The following SREBF2 variants were observed in gnomAD, a reference collection of about 807,000 sequenced individuals.
SREBF2 encodes the protein sterol regulatory element binding transcription factor 2.
Under a neutral mutation model 113.1 loss-of-function variants are expected in SREBF2, and 55 were observed. The observed-to-expected ratio is 0.49, with a 90% confidence interval of 0.39 to 0.61. The LOEUF is 0.61. Ranked by LOEUF, SREBF2 falls within the 20% of genes least tolerant of loss-of-function variation. The pLI, the probability that SREBF2 is intolerant of heterozygous loss-of-function variation, is 0.00. For missense variants in SREBF2, 1,349 were observed against 1,487.4 expected, an observed-to-expected ratio of 0.91 and a Z score of 1.53; for synonymous variants, 593 against 605.7, an observed-to-expected ratio of 0.98 and a Z score of 0.31.
chr22:41,875,251 C>T, intron 5 of SREBF2, 86 bp from the exon 6 acceptor site: 1 of 1,110,174 alleles, frequency 9.0e-7, no homozygotes, highest in South Asian at 1.3e-5. Context: ...CAGAGCCATG[C>T]TGTCATCCCA....
intron 7 of SREBF2, among the ~76,000 whole-genome samples, chr22:41,876,926 A>G (rs753670864): frequency 6.6e-6 from 1 of 152,202 alleles, no homozygotes; most frequent in Non-Finnish European, 1.5e-5. Flanking sequence ...TTCTGGAATT[A>G]TACAGAAACA....
At chr22:41,885,510 A>G (rs764787042) in intron 11 of SREBF2, 18 of 192,614 alleles carry the variant, frequency 9.3e-5, no homozygotes, top group Non-Finnish European at 1.8e-4. Flanking sequence ...TGAAATGAAT[A>G]AAAGTAAAAG....
chr22:41,851,947 C>T (rs879709120), intron 1 of SREBF2, among the ~76,000 whole-genome samples: 6 of 152,002 alleles, frequency 3.9e-5, no homozygotes, highest in Admixed American at 6.5e-5. Flanking sequence ...GGTGAAACCC[C>T]GTCTCTACTA....
chr22:41,845,012 TCTGCCTCCTGGGTTCAAGCAATTCTC>T (rs1232610457), intron 1 of SREBF2, among the ~76,000 whole-genome samples: 4 of 143,674 alleles, frequency 2.8e-5, no homozygotes, highest in African/African-American at 1.0e-4. Flanking sequence ...CACTGCGACC[TCTGCCTCCTGGGTTCAAGCAATTCTC>T]CTGTCTCCTG....
rs560514758 is a variant in SREBF2 at position 41,833,998 on chromosome 22, C to T, written c.88+640C>T. On this transcript the variant is annotated intron_variant, in intron 1 of 18. Coordinates refer to ENST00000361204, the MANE Select transcript of SREBF2 (RefSeq NM_004599.4). The surrounding 1 kb of genome is among the most constrained non-coding windows in gnomAD (Gnocchi z 4.1). ...CTGTCACGCTGCAAGGGGAATTGAGCAGAAGAAATTTTGAGTTGTGGCCCC... is the reference window on the plus strand; with the variant it reads ...CTGTCACGCTGCAAGGGGAATTGAGTAGAAGAAATTTTGAGTTGTGGCCCC... 4 of 152,822 alleles carry T rather than the reference C, an allele frequency of 2.6e-5. No individual in the cohort carries two copies. In the South Asian group the frequency reaches 8.3e-4, roughly 32 times the overall value. 9.5% of individuals were successfully genotyped at this position (152,822 alleles called of 1,614,324 possible).
Position 41,897,174 on chromosome 22 carries a change from G to C in SREBF2, c.2605+13G>C. 1.9e-6 allele frequency: 3 copies of C among 1,590,792 alleles called. No homozygotes were observed. Among genetic ancestry groups the C allele is most frequent in the Non-Finnish European group, 2.6e-6 (3 of 1,162,952 alleles). On this transcript the variant is annotated intron_variant, in intron 14 of 18. Transcript: ENST00000361204. ...AAGTCCGCCCTGGGTAAGCACCTGC[G>C]GGTGGCCCACAGTCTCAGGGTGCTC...
intron 8 of SREBF2, 25 bp downstream of exon 8, chr22:41,877,446 C>G (rs773489572): frequency 4.3e-6 from 7 of 1,611,416 alleles, no homozygotes; most frequent in Non-Finnish European, 5.9e-6. Context: ...CTTGCCCCAC[C>G]TGGGCATGGC....
chr22:41,878,731 A>G, intron 9 of SREBF2: 3 of 1,304,284 alleles, frequency 2.3e-6, no homozygotes, highest in Non-Finnish European at 3.0e-6. Context: ...TTCAAGAGGA[A>G]CAAGAACCAG....
rs1391366080 is a variant in SREBF2, at chr22:41,902,936, A to T, written c.2908-34A>T. 8 of 1,593,574 alleles carry T rather than the reference A, an allele frequency of 5.0e-6. No homozygotes were observed. The East Asian group carries it at 1.4e-4, about 27-fold the overall frequency. Reference sequence around the variant, plus strand: ...TCCTTGCCTCAGGGATGGGCCAGTCACCTGTCTCCCCTCTCTCGTGGCTGA... The same window carrying T: ...TCCTTGCCTCAGGGATGGGCCAGTCTCCTGTCTCCCCTCTCTCGTGGCTGA... On this transcript the variant is annotated intron_variant, in intron 16 of 18. Transcript: ENST00000361204.
chr22:41,875,217 A>C (rs1416549334), intron 5 of SREBF2, 120 bp from the exon 6 acceptor site: 2 of 786,130 alleles, frequency 2.5e-6, no homozygotes, highest in East Asian at 5.3e-5. Flanking sequence ...GAGGACCAGC[A>C]TCTGAACTTG....
At chr22:41,878,594 C>T in intron 9 of SREBF2, 1 of 1,106,308 alleles carries the variant, frequency 9.0e-7, no homozygotes, top group Admixed American at 2.3e-5. Flanking sequence ...TCCCAATTCT[C>T]TATAGAACCA....
At chr22:41,883,174 A>G (rs2077265800) in intron 10 of SREBF2, among the ~76,000 whole-genome samples, 1 of 152,158 alleles carries the variant, frequency 6.6e-6, no homozygotes, top group Non-Finnish European at 1.5e-5. Flanking sequence ...CTGAGATGCT[A>G]AGTGTTGGAG....
Position 41,863,254 on chromosome 22 carries a change from C to T in SREBF2, c.89-3577C>T, listed in dbSNP as rs559307341. 4.6e-5 allele frequency among the ~76,000 whole-genome samples: 7 copies of T among 152,342 alleles called. No homozygotes were observed. In the South Asian group the frequency reaches 1.4e-3, roughly 32 times the overall value. ...AAGTATCTTGCCCACGCTCACACCA[C>T]TGATTAGGTGGGCCTCCAGAGACTC... On this transcript the variant is annotated intron_variant, in intron 1 of 18. Transcript: ENST00000361204.
chr22:41,905,521 TCTC>T lies in SREBF2; in HGVS notation c.3292_3294del (p.Ser1098del). The T allele has an allele frequency of 6.3e-7, 1 of 1,585,376 alleles. No homozygotes were observed. Among genetic ancestry groups the T allele is most frequent in the Non-Finnish European group, 8.6e-7 (1 of 1,166,296 alleles). ...TGCCGCCACCTGCCCCTCTCCTTCC[TCTC>T]CTCCCCGGGCCAGCGGGCAGTGCTG... On this transcript the variant is annotated inframe_deletion, in exon 19 of 19. Transcript: ENST00000361204.
intron 17 of SREBF2, chr22:41,904,463 C>T (rs1475474442): frequency 2.3e-6 from 1 of 435,054 alleles, no homozygotes; most frequent in Non-Finnish European, 4.7e-6. Context: ...TACCAAACCT[C>T]TCTGGTACCA....
In SREBF2 at chr22:41,852,202, G is replaced by GA. The variant is rs1185831351; in HGVS notation, c.89-14623dup. 3.3e-5 allele frequency among the ~76,000 whole-genome samples: 5 copies of GA among 150,086 alleles called. No homozygotes were observed. In the South Asian group the frequency reaches 8.4e-4, roughly 25 times the overall value. On this transcript the variant is annotated intron_variant, in intron 1 of 18. Coordinates refer to ENST00000361204, the MANE Select transcript of SREBF2 (RefSeq NM_004599.4). ...GGGAGGGAGGCAGGGAGGGAGGAAG[G>GA]AAAAAACCAGAAAAAAAAAGTGAAA...
At chr22:41,892,986 C>G in intron 11 of SREBF2, 131 bp from the exon 12 acceptor site, 1 of 1,115,032 alleles carries the variant, frequency 9.0e-7, no homozygotes, top group Non-Finnish European at 1.3e-6. Flanking sequence ...CTGTGGGAGT[C>G]CTATCCCTGT....
chr22:41,873,146 G>A (rs1032878455), intron 4 of SREBF2, among the ~76,000 whole-genome samples: 5 of 151,558 alleles, frequency 3.3e-5, no homozygotes, highest in Non-Finnish European at 5.9e-5. Flanking sequence ...GTGGTGAGCC[G>A]AGATCACACC....
In SREBF2 at chr22:41,889,097, A is replaced by G. The variant is rs113943742; in HGVS notation, c.2209-4020A>G. On this transcript the variant is annotated intron_variant, in intron 11 of 18. Transcript: ENST00000361204. The stretch of plus-strand genomic sequence containing the variant: ...TATGTCTCAGTAAATTTTTCATGGC[A>G]TCCCTTAGCCAAAAGAAATACCTAA... Among the ~76,000 whole-genome samples the G allele has an allele frequency of 2.3e-3, 356 of 152,290 alleles. 1 individual carries two copies. Among genetic ancestry groups the G allele is most frequent in the African/African-American group, 8.0e-3 (332 of 41,552 alleles).
Sources: allele counts gnomAD v4.1 joint callset (sites outside exome capture counted in the v4.1 genomes callset), GRCh38; gene constraint gnomAD v4.1.1; non-coding constraint Gnocchi (gnomAD v3.1); transcripts MANE v1.5; gene names NCBI Gene and HGNC (gene_info 2026-07-23, HGNC 2026-07-21).